IGSF21: variants seen among roughly 807,000 people sequenced by gnomAD.
IGSF21 encodes immunoglobin superfamily member 21.
In IGSF21, 28 loss-of-function variants were observed where a neutral mutation model predicts 46.8. The observed-to-expected ratio is 0.60, with a 90% CI of 0.44 to 0.82. The LOEUF is 0.82. Among genes scored for constraint, IGSF21 ranks in the 40% least tolerant of loss-of-function variants. The pLI, the probability that IGSF21 is intolerant of heterozygous loss-of-function variation, is 0.00. For synonymous variants in IGSF21, 284 were observed against 273.6 expected (o/e 1.04, Z -0.38); for missense variants, 624 against 665.5 (o/e 0.94, Z 0.69).
At chr1:18,289,906 G>A (rs1295067651) in intron 2 of IGSF21, among the ~76,000 whole-genome samples, 2 of 152,216 alleles carry the variant, frequency 1.3e-5, no homozygotes, top group African/African-American at 4.8e-5. Flanking sequence ...GTGAGGCGGG[G>A]ATGGGAAGAG....
intron 4 of IGSF21, among the ~76,000 whole-genome samples, chr1:18,351,415 A>G (rs570051008): frequency 6.2e-4 from 94 of 152,304 alleles, no homozygotes; most frequent in African/African-American, 2.2e-3. Context: ...TAGGCCTTCA[A>G]GGCCAGGGCT....
intron 1 of IGSF21, among the ~76,000 whole-genome samples, chr1:18,222,719 G>T (rs1195863995): frequency 6.6e-6 from 1 of 152,108 alleles, no homozygotes; most frequent in Non-Finnish European, 1.5e-5. Flanking sequence ...AGCCAGGAAG[G>T]ATGGGGAGGA....
At chr1:18,122,625 T>C (rs1387296363) in intron 1 of IGSF21, among the ~76,000 whole-genome samples, 1 of 143,292 alleles carries the variant, frequency 7.0e-6, no homozygotes, top group Non-Finnish European at 1.5e-5. Context: ...TTTTTTTTCT[T>C]TTTTTTTTTT....
chr1:18,178,096 GGAGA>G (rs137896767), intron 1 of IGSF21, among the ~76,000 whole-genome samples: 5 of 151,970 alleles, frequency 3.3e-5, no homozygotes, highest in Non-Finnish European at 5.9e-5. Flanking sequence ...GGGGAAGTGG[GGAGA>G]GAGAGAGAGA....
chr1:18,243,826 C>G (rs59185053), intron 2 of IGSF21, among the ~76,000 whole-genome samples: 3,196 of 152,266 alleles, frequency 0.021, 129 homozygotes, highest in African/African-American at 0.072. Flanking sequence ...GAGGAGCGAG[C>G]ATATGGACCA....
chr1:18,155,859 G>C (rs184223948), intron 1 of IGSF21, among the ~76,000 whole-genome samples: 1 of 152,234 alleles, frequency 6.6e-6, no homozygotes, highest in Non-Finnish European at 1.5e-5. Flanking sequence ...CCATCCCTGC[G>C]GGATCAAGAA....
intron 2 of IGSF21, among the ~76,000 whole-genome samples, chr1:18,270,786 A>G (rs559182525): frequency 6.6e-6 from 1 of 152,214 alleles, no homozygotes; most frequent in Non-Finnish European, 1.5e-5. Flanking sequence ...ATTCAAAAAA[A>G]AAAAGGAAAC....
intron 4 of IGSF21, among the ~76,000 whole-genome samples, chr1:18,349,685 C>A (rs2085930087): frequency 6.6e-6 from 1 of 152,174 alleles, no homozygotes; most frequent in Non-Finnish European, 1.5e-5. Context: ...TTGGCAGGTG[C>A]CAGGTGTGGG....
chr1:18,328,023 G>A (rs1430186703), intron 3 of IGSF21, among the ~76,000 whole-genome samples: 1 of 152,164 alleles, frequency 6.6e-6, no homozygotes, highest in African/African-American at 2.4e-5. Context: ...TAATGACCTT[G>A]ATCCTGGGAC....
intron 2 of IGSF21, among the ~76,000 whole-genome samples, chr1:18,287,632 G>T (rs1472083364): frequency 6.6e-6 from 1 of 152,122 alleles, no homozygotes; most frequent in Admixed American, 6.5e-5. Context: ...GTTGTCGGTC[G>T]GCCCTGGCCT....
intron 1 of IGSF21, among the ~76,000 whole-genome samples, chr1:18,137,205 G>A (rs1204044814): frequency 6.6e-6 from 1 of 152,092 alleles, no homozygotes; most frequent in Non-Finnish European, 1.5e-5. Context: ...AGGTGGGGAG[G>A]TGGTGCACAC....
At chr1:18,191,230 T>G (rs9729664) in intron 1 of IGSF21, among the ~76,000 whole-genome samples, 1 of 152,176 alleles carries the variant, frequency 6.6e-6, no homozygotes, top group Non-Finnish European at 1.5e-5. Flanking sequence ...GCCAGTCACT[T>G]GCCCTCTCTG....
chr1:18,134,936 G>T (rs1053442934), intron 1 of IGSF21, among the ~76,000 whole-genome samples: 3 of 152,226 alleles, frequency 2.0e-5, no homozygotes, highest in Admixed American at 1.3e-4. Context: ...AGATTTTTCT[G>T]GAGGAAAAGG....
intron 2 of IGSF21, among the ~76,000 whole-genome samples, chr1:18,286,299 C>T (rs949585753): frequency 2.0e-5 from 3 of 152,192 alleles, no homozygotes; most frequent in Non-Finnish European, 4.4e-5. Flanking sequence ...TCATGACACA[C>T]GTCTCTTGGT....
intron 2 of IGSF21, among the ~76,000 whole-genome samples, chr1:18,238,455 G>C (rs1329798379): frequency 6.6e-6 from 1 of 152,228 alleles, no homozygotes; most frequent in African/African-American, 2.4e-5. Flanking sequence ...GGTGGGGGAA[G>C]ACTGGCTTTG....
intron 1 of IGSF21, among the ~76,000 whole-genome samples, chr1:18,224,842 A>T (rs930101875): frequency 6.6e-6 from 1 of 151,964 alleles, no homozygotes; most frequent in African/African-American, 2.4e-5. Flanking sequence ...AGGCGGGTGG[A>T]TCACTTGAGG....
intron 1 of IGSF21, among the ~76,000 whole-genome samples, chr1:18,185,881 G>A (rs1570314247): frequency 6.6e-6 from 1 of 152,168 alleles, no homozygotes; most frequent in South Asian, 2.1e-4. Context: ...CCCTGCAGCT[G>A]GGCAAGTCAT....
intron 1 of IGSF21, 47 bp downstream of exon 1, chr1:18,108,245 G>A (rs889819054): frequency 2.0e-5 from 27 of 1,317,620 alleles, no homozygotes; most frequent in Non-Finnish European, 2.6e-5. Flanking sequence ...AACGTGCGCG[G>A]GGACGGGGTG....
At chr1:18,293,107 G>C (rs1170103453) in intron 3 of IGSF21, among the ~76,000 whole-genome samples, 3 of 152,192 alleles carry the variant, frequency 2.0e-5, no homozygotes, top group Non-Finnish European at 4.4e-5. Context: ...GCCTGGAGGA[G>C]GGGGAAGCCG....
Sources: allele counts gnomAD v4.1 joint callset (sites outside exome capture counted in the v4.1 genomes callset), GRCh38; gene constraint gnomAD v4.1.1; transcripts MANE v1.5; gene names NCBI Gene and HGNC (gene_info 2026-07-23, HGNC 2026-07-21).